NRXN1: variants seen among roughly 807,000 people sequenced by gnomAD.
NRXN1 encodes the protein neurexin-1.
In NRXN1, 39 loss-of-function variants were observed where a neutral mutation model predicts 150.9. The ratio of observed to expected loss-of-function variants is 0.26; its 90% CI spans 0.20 to 0.34. The LOEUF (loss-of-function observed/expected upper bound fraction) is 0.34, where lower values mean the gene tolerates loss of function less well. NRXN1 is among the 10% of genes least tolerant of loss of function. The pLI is 1.00. For synonymous variants in NRXN1, 924 were observed against 757.0 expected (o/e 1.22, Z -3.62); for missense variants, 1,815 against 1,949.9 (o/e 0.93, Z 1.30).
At chr2:49,994,433 T>C (rs887642221) in intron 21 of NRXN1, among the ~76,000 whole-genome samples, 15 of 152,222 alleles carry the variant, frequency 9.9e-5, no homozygotes, top group African/African-American at 3.6e-4. Context: ...GGAGTAGTTT[T>C]AATTCACAGA....
At chr2:50,513,138 C>T (rs1301106634) in intron 12 of NRXN1, among the ~76,000 whole-genome samples, 2 of 152,064 alleles carry the variant, frequency 1.3e-5, no homozygotes, top group Non-Finnish European at 2.9e-5. Context: ...GTTGTAAGGA[C>T]TAAGGGATAT....
chr2:50,432,061 T>G (rs1261744861), intron 17 of NRXN1, among the ~76,000 whole-genome samples: 1 of 152,220 alleles, frequency 6.6e-6, no homozygotes, highest in Non-Finnish European at 1.5e-5. Flanking sequence ...CCAAAAGTAT[T>G]GCTCGATGTT....
intron 5 of NRXN1, among the ~76,000 whole-genome samples, chr2:50,911,141 C>CAT (rs1380857955): frequency 6.6e-6 from 1 of 152,022 alleles, no homozygotes; most frequent in Non-Finnish European, 1.5e-5. Context: ...CCTCAAATCA[C>CAT]ATGCAATATG....
chr2:50,002,300 A>C (rs1684084130), intron 21 of NRXN1, among the ~76,000 whole-genome samples: 1 of 152,164 alleles, frequency 6.6e-6, no homozygotes, highest in African/African-American at 2.4e-5. Context: ...GAAAGGGAGG[A>C]AACGAAAAAG....
In NRXN1 at chr2:50,626,798, G is replaced by A. The variant is rs1681172729; in HGVS notation, c.833-3183C>T. Among the ~76,000 whole-genome samples, 7 of 151,918 alleles carry A rather than the reference G, an allele frequency of 4.6e-5. No individual in the cohort carries two copies. In the South Asian group the frequency reaches 1.5e-3, roughly 32 times the overall value. ...GGTCATCAATAATACCATAGAGTAA[G>A]AAGTTAAATAACAATTTTGGAGAAA... is the stretch of plus-strand genomic sequence containing the variant. On this transcript the variant is annotated intron_variant, in intron 5 of 22. Transcript: ENST00000401669.
chr2:50,572,146 C>T (rs975249088), intron 8 of NRXN1, among the ~76,000 whole-genome samples: 3 of 152,146 alleles, frequency 2.0e-5, no homozygotes, highest in Non-Finnish European at 2.9e-5. Flanking sequence ...CTGGAGCTCA[C>T]GCAAGGAGTC....
chr2:50,595,330 T>C (rs1443732728), intron 8 of NRXN1, among the ~76,000 whole-genome samples: 1 of 151,854 alleles, frequency 6.6e-6, no homozygotes, highest in Non-Finnish European at 1.5e-5. Flanking sequence ...GATGCCTTGA[T>C]GTTATGCAAT....
intron 17 of NRXN1, among the ~76,000 whole-genome samples, chr2:50,385,953 T>C (rs556872843): frequency 9.2e-5 from 14 of 152,098 alleles, no homozygotes; most frequent in South Asian, 4.1e-4. Context: ...TGGAATAAAA[T>C]ATATCAAACT....
At chr2:50,321,549 TAA>T (rs962851899) in intron 17 of NRXN1, among the ~76,000 whole-genome samples, 1 of 152,144 alleles carries the variant, frequency 6.6e-6, no homozygotes, top group Non-Finnish European at 1.5e-5. Flanking sequence ...CAGGGAGACA[TAA>T]AGTTACAAAA....
At chr2:50,143,968 C>T (rs1369704058) in intron 18 of NRXN1, among the ~76,000 whole-genome samples, 4 of 151,922 alleles carry the variant, frequency 2.6e-5, no homozygotes, top group Non-Finnish European at 4.4e-5. Context: ...TATTTTTCTC[C>T]TCTTCCATTT....
intron 17 of NRXN1, among the ~76,000 whole-genome samples, chr2:50,461,523 G>C (rs2088211430): frequency 6.6e-6 from 1 of 151,964 alleles, no homozygotes; most frequent in African/African-American, 2.4e-5. Flanking sequence ...CCGGACCACT[G>C]GGTAAAAGGA....
At chr2:50,359,344 G>T (rs771223509) in intron 17 of NRXN1, among the ~76,000 whole-genome samples, 13 of 151,674 alleles carry the variant, frequency 8.6e-5, no homozygotes, top group Non-Finnish European at 1.8e-4. Flanking sequence ...CCAATGCAAG[G>T]AAGCTAAGAA....
chr2:50,909,909 GA>G (rs1401866324), intron 5 of NRXN1, among the ~76,000 whole-genome samples: 1 of 151,674 alleles, frequency 6.6e-6, no homozygotes, highest in African/African-American at 2.4e-5. Context: ...CCTAATCAAA[GA>G]AATTTAAAAA....
At chr2:50,442,977 G>T (rs2086092976) in intron 17 of NRXN1, among the ~76,000 whole-genome samples, 1 of 152,120 alleles carries the variant, frequency 6.6e-6, no homozygotes, top group African/African-American at 2.4e-5. Context: ...CTTTGCAATA[G>T]GAGTTTTGGC....
intron 17 of NRXN1, among the ~76,000 whole-genome samples, chr2:50,251,128 A>G (rs1035812724): frequency 2.6e-4 from 39 of 151,826 alleles, no homozygotes; most frequent in African/African-American, 8.0e-4. Context: ...CTATTAGCCC[A>G]TCACCTAGGT....
intron 2 of NRXN1, among the ~76,000 whole-genome samples, chr2:50,945,321 T>C (rs1012545980): frequency 6.6e-6 from 1 of 152,034 alleles, no homozygotes; most frequent in South Asian, 2.1e-4. Context: ...AAAAATTAGC[T>C]GGTGTGCTGG....
At chr2:50,437,720 G>C (rs1159365753) in intron 17 of NRXN1, among the ~76,000 whole-genome samples, 2 of 152,174 alleles carry the variant, frequency 1.3e-5, no homozygotes, top group East Asian at 3.9e-4. Flanking sequence ...GTGTGTGTGT[G>C]TGTGTGTGTG....
At chr2:50,651,149 G>A (rs1445538389) in intron 5 of NRXN1, among the ~76,000 whole-genome samples, 1 of 151,918 alleles carries the variant, frequency 6.6e-6, no homozygotes, top group Non-Finnish European at 1.5e-5. Context: ...GAAAAAATAA[G>A]CAAATTCTTA....
At chr2:50,715,561 T>G (rs1345085899) in intron 5 of NRXN1, among the ~76,000 whole-genome samples, 1 of 152,216 alleles carries the variant, frequency 6.6e-6, no homozygotes, top group Non-Finnish European at 1.5e-5. Context: ...AAATAACTTG[T>G]GTAAGTTTTT....
Sources: gnomAD v4.1 joint callset for allele counts (sites outside exome capture counted in the v4.1 genomes callset) on GRCh38, gnomAD v4.1.1 for gene constraint, MANE v1.5 for transcripts, NCBI Gene and HGNC (gene_info 2026-07-23, HGNC 2026-07-21) for gene names.